The following TAFA5 variants were observed in gnomAD, a reference collection of about 807,000 sequenced individuals.
TAFA5 encodes TAFA chemokine like family member 5.
A neutral mutation model predicts 15.3 loss-of-function variants in TAFA5; 6 were observed. That is an observed-to-expected ratio of 0.39 (90% CI 0.21 to 0.77). The LOEUF (loss-of-function observed/expected upper bound fraction) is 0.77. Ranked by LOEUF, TAFA5 falls within the 30% of genes least tolerant of loss-of-function variation. The pLI is 0.41. For missense variants in TAFA5, 161 were observed against 193.1 expected (o/e 0.83, Z 0.98); for synonymous variants, 103 against 80.7 (o/e 1.28, Z -1.48).
At chr22:48,704,396 G>A (rs919245999) in intron 2 of TAFA5, among the ~76,000 whole-genome samples, 2 of 152,108 alleles carry the variant, frequency 1.3e-5, no homozygotes, top group South Asian at 4.1e-4. Flanking sequence ...ATCAGGGATG[G>A]GAGACACAGC....
At chr22:48,572,626 C>T (rs5768736) in intron 1 of TAFA5, among the ~76,000 whole-genome samples, 49,319 of 152,058 alleles carry the variant, frequency 0.32, 9,846 homozygotes, top group Non-Finnish European at 0.44. Flanking sequence ...TGCCATGGGC[C>T]TGTTTGGAAG....
intron 1 of TAFA5, among the ~76,000 whole-genome samples, chr22:48,594,231 C>T (rs1924679571): frequency 6.6e-6 from 1 of 152,156 alleles, no homozygotes; most frequent in Non-Finnish European, 1.5e-5. Context: ...CGAGACCCAG[C>T]GAGGCTCGAG....
chr22:48,541,226 G>C (rs1163333121), intron 1 of TAFA5, among the ~76,000 whole-genome samples: 1 of 150,524 alleles, frequency 6.6e-6, no homozygotes, highest in African/African-American at 2.5e-5. Flanking sequence ...TGTACCATTT[G>C]GGGCACTTGT....
At chr22:48,724,195 G>C (rs1601699725) in intron 3 of TAFA5, among the ~76,000 whole-genome samples, 1 of 152,222 alleles carries the variant, frequency 6.6e-6, no homozygotes, top group African/African-American at 2.4e-5. Context: ...TCGTTGCATT[G>C]CTGCAGCAGG....
intron 1 of TAFA5, among the ~76,000 whole-genome samples, chr22:48,584,637 TACATC>T (rs924869080): frequency 6.1e-4 from 77 of 126,900 alleles, no homozygotes; most frequent in African/African-American, 2.3e-3. Context: ...ACTCACAAAA[TACATC>T]ACACATGCAC....
rs551938903 is a variant in TAFA5 at position 48,742,691 on chromosome 22, C to T, written c.391-7148C>T. Among the ~76,000 whole-genome samples, 61 of 151,974 alleles carry T rather than the reference C, an allele frequency of 4.0e-4. No individual in the cohort carries two copies. Among genetic ancestry groups the T allele is most frequent in the African/African-American group, 1.4e-3 (57 of 41,440 alleles). ...GTGGTAGACCGGGCAGTGTGATGGA[C>T]CAGGCGACGTGGTGGGCCGGGTGGT... On this transcript the variant is annotated intron_variant, in intron 3 of 3. Transcript: ENST00000402357. This position sits in a 1 kb window ranked among gnomAD's most constrained non-coding sequence, Gnocchi z 6.2.
At chr22:48,621,687 G>A (rs1035202974) in intron 1 of TAFA5, among the ~76,000 whole-genome samples, 3 of 152,166 alleles carry the variant, frequency 2.0e-5, no homozygotes, top group Non-Finnish European at 2.9e-5. Flanking sequence ...CCGTGGCCTC[G>A]GGGTCTTGCA....
intron 1 of TAFA5, among the ~76,000 whole-genome samples, chr22:48,535,082 C>T (rs1266771488): frequency 6.6e-6 from 1 of 152,146 alleles, no homozygotes; most frequent in African/African-American, 2.4e-5. Flanking sequence ...CTCCCCAAGG[C>T]TGGGCCCTGG....
chr22:48,554,914 G>C (rs1200915519), intron 1 of TAFA5, among the ~76,000 whole-genome samples: 2 of 152,222 alleles, frequency 1.3e-5, no homozygotes, highest in East Asian at 3.9e-4. Context: ...GGTCCTGAGA[G>C]GGGGTCCTAC....
intron 2 of TAFA5, among the ~76,000 whole-genome samples, chr22:48,663,445 G>GC (rs1927513034): frequency 6.6e-6 from 1 of 152,194 alleles, no homozygotes. Context: ...AAGTGCAGCA[G>GC]CCGGCACACG....
rs563012217 is a variant in TAFA5 at position 48,495,445 on chromosome 22, C to G, written c.112+5741C>G. ...TGTTCTGGTGGGTTCTTCATGCTAC[C>G]CTTCTGTGTCCCAACCCAGCCGCCA... On this transcript the variant is annotated intron_variant, in intron 1 of 3. Coordinates refer to ENST00000402357, the MANE Select transcript of TAFA5 (RefSeq NM_001082967.3). 2.6e-5 allele frequency among the ~76,000 whole-genome samples: 4 copies of G among 152,236 alleles called. No homozygotes were observed. The South Asian group carries it at 8.3e-4, about 32-fold the overall frequency.
At chr22:48,729,067 T>G (rs1929786426) in intron 3 of TAFA5, among the ~76,000 whole-genome samples, 1 of 151,936 alleles carries the variant, frequency 6.6e-6, no homozygotes, top group Non-Finnish European at 1.5e-5. Context: ...GGGGAAAAAC[T>G]ACCATACATA....
intron 1 of TAFA5, among the ~76,000 whole-genome samples, chr22:48,623,343 C>T (rs1438343663): frequency 7.7e-6 from 1 of 129,652 alleles, no homozygotes; most frequent in Non-Finnish European, 1.6e-5. Context: ...TGCGTGGTGA[C>T]CTGTGGGACG....
At chr22:48,507,077 A>G (rs1308442258) in intron 1 of TAFA5, among the ~76,000 whole-genome samples, 2 of 149,622 alleles carry the variant, frequency 1.3e-5, no homozygotes, top group African/African-American at 4.9e-5. Flanking sequence ...GGAGATGGTC[A>G]TCAAGGGCCA....
At chr22:48,500,381 T>C (rs1247477984) in intron 1 of TAFA5, among the ~76,000 whole-genome samples, 1 of 152,216 alleles carries the variant, frequency 6.6e-6, no homozygotes, top group Non-Finnish European at 1.5e-5. Context: ...ACAATGAAGT[T>C]GAAACATTGC....
At chr22:48,558,678 C>T (rs933845056) in intron 1 of TAFA5, among the ~76,000 whole-genome samples, 1 of 152,160 alleles carries the variant, frequency 6.6e-6, no homozygotes, top group Admixed American at 6.5e-5. Context: ...CTGGGAGACT[C>T]GAATGCGGAG....
chr22:48,701,140 G>T (rs547977982), intron 2 of TAFA5, among the ~76,000 whole-genome samples: 2 of 152,168 alleles, frequency 1.3e-5, no homozygotes, highest in Admixed American at 1.3e-4. Flanking sequence ...CACACAGCTC[G>T]AGTGGGTGTC....
chr22:48,574,504 C>G (rs979929829), intron 1 of TAFA5, among the ~76,000 whole-genome samples: 2 of 152,126 alleles, frequency 1.3e-5, no homozygotes, highest in Non-Finnish European at 2.9e-5. Flanking sequence ...TTGCCTTGAT[C>G]TATCTGACCT....
chr22:48,708,172 C>T (rs572107477), intron 3 of TAFA5, among the ~76,000 whole-genome samples: 7 of 152,148 alleles, frequency 4.6e-5, no homozygotes, highest in Non-Finnish European at 5.9e-5. Context: ...CTGATGTGCC[C>T]GTGATTTTGC....
Sources: gnomAD v4.1 joint callset for allele counts (sites outside exome capture counted in the v4.1 genomes callset) on GRCh38, gnomAD v4.1.1 for gene constraint, Gnocchi (gnomAD v3.1) non-coding constraint, MANE v1.5 for transcripts, NCBI Gene and HGNC (gene_info 2026-07-23, HGNC 2026-07-21) for gene names.